PREB: variants seen among roughly 807,000 people sequenced by gnomAD.
PREB encodes the protein prolactin regulatory element binding.
A neutral mutation model predicts 46.7 loss-of-function variants in PREB; 29 were observed. That is an observed-to-expected ratio of 0.62 (90% confidence interval 0.46 to 0.85). The LOEUF is 0.85. Ranked by LOEUF, PREB falls within the 40% of genes least tolerant of loss-of-function variation. The pLI is 0.00. For synonymous variants in PREB, 224 were observed against 220.1 expected (o/e 1.02, Z -0.16); for missense variants, 494 against 528.4 (o/e 0.93, Z 0.64).
chr2:27,131,466 AGCCCGACAC>A lies in PREB; in HGVS notation c.1193_1201del (p.Cys398_Leu401delinsPhe). The A allele has an allele frequency of 6.3e-7, 1 of 1,576,300 alleles. No homozygotes were observed. Among genetic ancestry groups the A allele is most frequent in the Non-Finnish European group, 8.6e-7 (1 of 1,160,442 alleles). On this transcript the variant is annotated inframe_deletion, in exon 9 of 9. Transcript: ENST00000260643. ...GAGCAGCAGGATGGTCACAATAATA[AGCCCGACAC>A]ACAGCAGGAGCAGGAGCCACACAGG...
At chr2:27,133,404 G>A (rs1672368485) in intron 2 of PREB, 67 bp from the exon 3 acceptor site, 2 of 1,600,882 alleles carry the variant, frequency 1.2e-6, no homozygotes, top group Admixed American at 1.7e-5. Flanking sequence ...CTCTCTCCAT[G>A]GCAGGTGCCC....
chr2:27,133,734 G>T lies in PREB; in HGVS notation c.136-13C>A, dbSNP rs1197255808. On this transcript the variant is annotated splice_polypyrimidine_tract_variant and intron_variant, in intron 1 of 8. Transcript: ENST00000260643. ...GCTGCAGAAAGTGCTGTGGGAGGGGGAACCCGGATGAGCAAGTTCAGGGGT... is the reference window on the plus strand; with the variant it reads ...GCTGCAGAAAGTGCTGTGGGAGGGGTAACCCGGATGAGCAAGTTCAGGGGT... 1 of 1,612,376 alleles carries T rather than the reference G, an allele frequency of 6.2e-7. No homozygotes were observed. The highest frequency in any genetic ancestry group is 8.5e-7 in the Non-Finnish European group (1 of 1,179,110).
rs776174958 is a variant in PREB, at chr2:27,132,234, C to T, written c.922G>A (p.Val308Ile). 4 of 1,614,112 alleles carry T rather than the reference C, an allele frequency of 2.5e-6. No individual in the cohort carries two copies. The African/African-American group carries it at 5.3e-5, about 22-fold the overall frequency. Residue 308 changes from valine to isoleucine, a missense_variant, in exon 6 of 9, where the codon GTC becomes ATC. Physicochemically the swap from Val to Ile is conservative, Grantham distance 29. Transcript: ENST00000260643. This position sits in a 1 kb window ranked among gnomAD's most constrained non-coding sequence, Gnocchi z 4.0. ...CAAGGCAGCAATGTCTCACACCTGA[C>T]ATCGAGGCAGGAGACGACTTCATGG... Reference protein sequence around the residue: ...CGHEVVSCLDVSESGTFLGLG... With the variant: ...CGHEVVSCLDISESGTFLGLG...
Position 27,131,197 on chromosome 2 carries a change from G to A in PREB, c.*217C>T, listed in dbSNP as rs567417184. The A allele has an allele frequency of 1.7e-6, 1 of 596,670 alleles. No homozygotes were observed. The highest frequency in any genetic ancestry group is 2.0e-5 in the South Asian group (1 of 49,092). 37.0% of individuals were successfully genotyped at this position (596,670 alleles called of 1,614,324 possible). A position where few individuals can be genotyped will look rare whatever the true frequency, so the allele number is the denominator to read the frequency against. ...CTGGGCTTCAGATACCGCTGTTCTG[G>A]ATGGATCCACAGATGACGAAGGCAA... On this transcript the variant is annotated 3_prime_UTR_variant, in exon 9 of 9. Transcript: ENST00000260643.
chr2:27,130,940 T>TGCCCTAACA lies in PREB; in HGVS notation c.*473_*474insTGTTAGGGC, dbSNP rs1304239469. ...CAGATTACTACCCAAGTCTTCCTTT[T>TGCCCTAACA]GCCCCTTCCTGCCCTAACAGCAAGT... is the stretch of plus-strand genomic sequence containing the variant. On this transcript the variant is annotated 3_prime_UTR_variant, in exon 9 of 9. Coordinates refer to ENST00000260643, the MANE Select transcript of PREB (RefSeq NM_013388.6). The TGCCCTAACA allele has an allele frequency of 1.1e-5, 7 of 640,750 alleles. No homozygotes were observed. Among genetic ancestry groups the TGCCCTAACA allele is most frequent in the African/African-American group, 1.8e-5 (1 of 54,728 alleles). 39.7% of individuals were successfully genotyped at this position (640,750 alleles called of 1,614,324 possible).
rs771044638 is a variant in PREB at position 27,132,719 on chromosome 2, G to A, written c.636C>T (p.Thr212=). 5 of 1,614,008 alleles carry A rather than the reference G, an allele frequency of 3.1e-6. No homozygotes were observed. The highest frequency in any genetic ancestry group is 2.2e-5 in the East Asian group (1 of 44,900). ...CAGAGGCCTTAAGGTCCCGGCCCAC[G>A]GTTACCAACTAGTTAGGAATAAAGA... The part of the protein sequence containing the change: ...LALGPDGKLV[T]VGRDLKASVW... Residue 212 remains threonine (T), a synonymous_variant, in exon 5 of 9, where the codon ACC becomes ACT. Coordinates refer to ENST00000260643, the MANE Select transcript of PREB (RefSeq NM_013388.6). The surrounding 1 kb of genome is among the most constrained non-coding windows in gnomAD (Gnocchi z 4.0).
rs539929101 is a variant in PREB at position 27,131,254 on chromosome 2, T to G, written c.*160A>C. ...TGGGACCTGGAGTCACACAGGGCCA[T>G]AGCCAAGCCTTTTCACTAGAAGGGC... is the stretch of plus-strand genomic sequence containing the variant. On this transcript the variant is annotated 3_prime_UTR_variant, in exon 9 of 9. Coordinates refer to ENST00000260643, the MANE Select transcript of PREB (RefSeq NM_013388.6). The G allele has an allele frequency of 5.9e-6, 4 of 683,270 alleles. No homozygotes were observed. Among genetic ancestry groups the G allele is most frequent in the Non-Finnish European group, 1.0e-5 (4 of 397,808 alleles). 42.3% of individuals were successfully genotyped at this position (683,270 alleles called of 1,614,324 possible).
intron 1 of PREB, chr2:27,133,936 G>A (rs910779397): frequency 4.6e-5 from 29 of 624,368 alleles, no homozygotes; most frequent in African/African-American, 7.4e-5. Flanking sequence ...GCTCAGGAGA[G>A]GGAAGGAACT....
At position 27,134,363 on chromosome 2, in the gene PREB, T is replaced by C. The variant is rs559887923; in HGVS notation, c.59A>G (p.Gln20Arg). ...YRAPFPLYAL[Q>R]VDPSTGLLIA... ...GAGCAGCCCAGTGCTGGGGTCGACCTGAAGCGCGTACAACGGGAACGGAGC... is the reference window on the plus strand; with the variant it reads ...GAGCAGCCCAGTGCTGGGGTCGACCCGAAGCGCGTACAACGGGAACGGAGC... Residue 20 changes from glutamine (Q) to arginine (R), a missense_variant, in exon 1 of 9, where the codon CAG (glutamine) becomes CGG (arginine). Physicochemically the swap from Gln to Arg is conservative, Grantham distance 43. Coordinates refer to ENST00000260643, the MANE Select transcript of PREB (RefSeq NM_013388.6). 4 of 1,611,104 alleles carry C rather than the reference T, an allele frequency of 2.5e-6. No individual in the cohort carries two copies. The highest frequency in any genetic ancestry group is 2.7e-5 in the African/African-American group (2 of 74,946).
Position 27,131,388 on chromosome 2 carries a change from C to A in PREB, c.*26G>T, listed in dbSNP as rs1055177684. 1.1e-5 allele frequency: 16 copies of A among 1,522,290 alleles called. No homozygotes were observed. Among genetic ancestry groups the A allele is most frequent in the Non-Finnish European group, 1.4e-5 (16 of 1,120,160 alleles). 94.3% of individuals were successfully genotyped at this position (1,522,290 alleles called of 1,614,324 possible). A position where few individuals can be genotyped will look rare whatever the true frequency, so the allele number is the denominator to read the frequency against. ...TGCTCTAGAGATGGCAGTGTCCAGG[C>A]TCCTGATTCCCAGGAAGCAGGGAAG... On this transcript the variant is annotated 3_prime_UTR_variant, in exon 9 of 9. Coordinates refer to ENST00000260643, the MANE Select transcript of PREB (RefSeq NM_013388.6).
chr2:27,132,918 G>A lies in PREB; in HGVS notation c.552C>T (p.Pro184=). Residue 184 remains proline, a synonymous_variant, in exon 4 of 9, where the codon CCC becomes CCT. Transcript: ENST00000260643. The surrounding 1 kb of genome is among the most constrained non-coding windows in gnomAD (Gnocchi z 4.0). ...TGAACTCCAGAACCTTCTCCAGGCT[G>A]GGCACCTGTAGCCAAACAACCACCA... ...TDGYVRVWKV[P]SLEKVLEFKA... is the part of the protein sequence containing the mutation. 1.2e-6 allele frequency: 2 copies of A among 1,613,836 alleles called. No homozygotes were observed. Among genetic ancestry groups the A allele is most frequent in the Non-Finnish European group, 1.7e-6 (2 of 1,179,988 alleles).
rs1056653324 is a variant in PREB, at chr2:27,134,350, G to C, written c.72C>G (p.Ser24Arg). 1 of 1,611,546 alleles carries C rather than the reference G, an allele frequency of 6.2e-7. No individual in the cohort carries two copies. Among genetic ancestry groups the C allele is most frequent in the Admixed American group, 1.7e-5 (1 of 59,928 alleles). The change falls in exon 1 of 9, where the codon AGC becomes AGG. Residue 24 changes from serine to arginine, a missense_variant. By Grantham distance (110) the Ser-to-Arg change is moderately radical (BLOSUM62 -1). Coordinates refer to ENST00000260643, the MANE Select transcript of PREB (RefSeq NM_013388.6). ...CGCCCGCAGCGATGAGCAGCCCAGT[G>C]CTGGGGTCGACCTGAAGCGCGTACA... ...FPLYALQVDP[S>R]TGLLIAAGGG...
In PREB at chr2:27,132,098, A is replaced by C; in HGVS notation, c.927-16T>G. The C allele has an allele frequency of 6.2e-7, 1 of 1,613,700 alleles. No homozygotes were observed. Among genetic ancestry groups the C allele is most frequent in the Non-Finnish European group, 8.5e-7 (1 of 1,179,614 alleles). Reference sequence around the variant, plus strand: ...GCCGGATTCACTGCAACAAACAATAAAGAGCTCATTGTCCTGGAGGCTTGT... The same window carrying C: ...GCCGGATTCACTGCAACAAACAATACAGAGCTCATTGTCCTGGAGGCTTGT... On this transcript the variant is annotated splice_polypyrimidine_tract_variant and intron_variant, in intron 6 of 8. Transcript: ENST00000260643. This position sits in a 1 kb window ranked among gnomAD's most constrained non-coding sequence, Gnocchi z 4.0.
chr2:27,132,824 C>T lies in PREB; in HGVS notation c.627+19G>A. 1.2e-6 allele frequency: 2 copies of T among 1,613,710 alleles called. No individual in the cohort carries two copies. Among genetic ancestry groups the T allele is most frequent in the Non-Finnish European group, 1.7e-6 (2 of 1,179,710 alleles). ...TCCTCTCTCCTTTCTCCATCCTCCTCCCACCCCCAGCCCCTCACCTTGCCA... is the reference window on the plus strand; with the variant it reads ...TCCTCTCTCCTTTCTCCATCCTCCTTCCACCCCCAGCCCCTCACCTTGCCA... On this transcript the variant is annotated intron_variant, in intron 4 of 8. Coordinates refer to ENST00000260643, the MANE Select transcript of PREB (RefSeq NM_013388.6). This position sits in a 1 kb window ranked among gnomAD's most constrained non-coding sequence, Gnocchi z 4.0.
Position 27,131,326 on chromosome 2 carries a change from C to T in PREB, c.*88G>A. 2 of 1,252,446 alleles carry T rather than the reference C, an allele frequency of 1.6e-6. No homozygotes were observed. The highest frequency in any genetic ancestry group is 2.3e-6 in the Non-Finnish European group (2 of 878,272). The allele number at this position is 1,252,446 out of a possible 1,614,324, so 77.6% of individuals were successfully genotyped here. On this transcript the variant is annotated 3_prime_UTR_variant, in exon 9 of 9. Transcript: ENST00000260643. Reference sequence around the variant, plus strand: ...TCAGCGGCAACCTCAGCTGTGGACCCGAATGGAGTGAGCAAAGGGAGTCCA... The same window carrying T: ...TCAGCGGCAACCTCAGCTGTGGACCTGAATGGAGTGAGCAAAGGGAGTCCA...
At position 27,133,599 on chromosome 2, in the gene PREB, C is replaced by G; in HGVS notation, c.258G>C (p.Gln86His). The G allele has an allele frequency of 1.9e-6, 3 of 1,614,164 alleles. No homozygotes were observed. Among genetic ancestry groups the G allele is most frequent in the Non-Finnish European group, 2.5e-6 (3 of 1,180,012 alleles). Residue 86 changes from glutamine (Q) to histidine (H), a missense_variant, in exon 2 of 9, where the codon CAG becomes CAC. By Grantham distance (24) the Gln-to-His change is conservative. Transcript: ENST00000260643. ...ALAGDILAAG[Q>H]DAHCQLLRFQ... is the part of the protein sequence containing the mutation. ...AGCGCAGGAGCTGACAGTGGGCATC[C>G]TGCCCTGCAGCAAGGATGTCACCAG...
Position 27,132,486 on chromosome 2 carries a change from C to A in PREB, c.753-83G>T. 1 of 1,588,816 alleles carries A rather than the reference C, an allele frequency of 6.3e-7. No individual in the cohort carries two copies. Among genetic ancestry groups the A allele is most frequent in the South Asian group, 1.1e-5 (1 of 88,772 alleles). ...GTTTGTGCACCACCTGCACCCTGGT[C>A]AGACCTGGGGTAACACTCAACAAGT... On this transcript the variant is annotated intron_variant, in intron 5 of 8. Transcript: ENST00000260643. This position sits in a 1 kb window ranked among gnomAD's most constrained non-coding sequence, Gnocchi z 4.0.
At chr2:27,131,557 C>T (rs1422279711) in intron 8 of PREB, 49 bp from the exon 9 acceptor site, 1 of 1,599,844 alleles carries the variant, frequency 6.3e-7, no homozygotes, top group Middle Eastern at 1.7e-4. Flanking sequence ...GCTTCCCAGC[C>T]TGAAAACCAG....
At position 27,134,404 on chromosome 2, in the gene PREB, C is replaced by A. The variant is rs760439360; in HGVS notation, c.18G>T (p.Ala6=). The A allele has an allele frequency of 1.5e-5, 24 of 1,592,530 alleles. No homozygotes were observed. The highest frequency in any genetic ancestry group is 1.8e-4 in the Middle Eastern group (1 of 5,588). MGRRR[A]PELYRAPFPL... ...GGAACGGAGCCCGGTACAGCTCTGGCGCCCGGCGCCGGCCCATCCCGCCCG... is the reference window on the plus strand; with the variant it reads ...GGAACGGAGCCCGGTACAGCTCTGGAGCCCGGCGCCGGCCCATCCCGCCCG... Residue 6 remains alanine, a synonymous_variant, in exon 1 of 9, where the codon GCG becomes GCT. Coordinates refer to ENST00000260643, the MANE Select transcript of PREB (RefSeq NM_013388.6).
Sources: allele counts gnomAD v4.1 joint callset, GRCh38; gene constraint gnomAD v4.1.1; non-coding constraint Gnocchi (gnomAD v3.1); transcripts MANE v1.5; gene names NCBI Gene and HGNC (gene_info 2026-07-23, HGNC 2026-07-21).